BTBD9: variants seen among roughly 807,000 people sequenced by gnomAD.
BTBD9 encodes the protein BTB/POZ domain-containing protein 9.
Under a neutral mutation model 64.3 loss-of-function variants are expected in BTBD9, and 49 were observed. The observed-to-expected ratio is 0.76, with a 90% CI of 0.61 to 0.97. The LOEUF is 0.97. Among genes scored for constraint, BTBD9 ranks in the 50% least tolerant of loss-of-function variants. The pLI is 0.00. For missense variants in BTBD9, 598 were observed against 762.1 expected, an observed-to-expected ratio of 0.78 and a Z score of 2.53; for synonymous variants, 260 against 274.7, an observed-to-expected ratio of 0.95 and a Z score of 0.53.
chr6:38,462,025 G>T (rs915951160), intron 6 of BTBD9, among the ~76,000 whole-genome samples: 4 of 151,996 alleles, frequency 2.6e-5, no homozygotes, highest in African/African-American at 9.7e-5. Context: ...AGGTGTTTTT[G>T]TTGTTGTTGT....
At chr6:38,473,822 G>C (rs7770885) in intron 6 of BTBD9, among the ~76,000 whole-genome samples, 10,623 of 152,206 alleles carry the variant, frequency 0.07, 514 homozygotes, top group African/African-American at 0.12. Context: ...ATTAATTAAG[G>C]GGTGATGGTA....
chr6:38,584,616 G>A lies in BTBD9; in HGVS notation c.815-4179C>T, dbSNP rs184214743. Among the ~76,000 whole-genome samples the A allele has an allele frequency of 1.2e-4, 18 of 151,946 alleles. 1 individual carries two copies. Among genetic ancestry groups the A allele is most frequent in the East Asian group, 5.8e-4 (3 of 5,168 alleles). ...TACATGTAGGTTGACATGGTCATTCGCCCCAGTGGATTATTTGGATCCAGA... is the reference window on the plus strand; with the variant it reads ...TACATGTAGGTTGACATGGTCATTCACCCCAGTGGATTATTTGGATCCAGA... On this transcript the variant is annotated intron_variant, in intron 4 of 10. Transcript: ENST00000481247.
chr6:38,483,094 T>C (rs1771236338), intron 6 of BTBD9, among the ~76,000 whole-genome samples: 1 of 151,980 alleles, frequency 6.6e-6, no homozygotes, highest in Non-Finnish European at 1.5e-5. Flanking sequence ...CACACATACC[T>C]TAACATCATC....
chr6:38,435,451 GA>G (rs1768670917), intron 6 of BTBD9, among the ~76,000 whole-genome samples: 2 of 151,450 alleles, frequency 1.3e-5, no homozygotes, highest in East Asian at 1.9e-4. Flanking sequence ...GTGAAAAAAA[GA>G]AAAAGAAAAG....
intron 7 of BTBD9, among the ~76,000 whole-genome samples, chr6:38,301,301 G>A (rs1183237217): frequency 5.3e-5 from 8 of 152,164 alleles, no homozygotes; most frequent in Non-Finnish European, 1.0e-4. Context: ...TGTTCATCAA[G>A]GATATTGGTC....
chr6:38,538,239 T>C (rs1290268612), intron 6 of BTBD9, among the ~76,000 whole-genome samples: 1 of 152,174 alleles, frequency 6.6e-6, no homozygotes, highest in African/African-American at 2.4e-5. Context: ...AGGAATTCAT[T>C]AGTTTTTTAA....
chr6:38,450,218 T>C (rs141349913), intron 6 of BTBD9, among the ~76,000 whole-genome samples: 21 of 152,300 alleles, frequency 1.4e-4, no homozygotes, highest in Admixed American at 2.6e-4. Flanking sequence ...AAGTTGATCA[T>C]ATAGAAGTAC....
chr6:38,373,096 A>G (rs1300262697), intron 6 of BTBD9, among the ~76,000 whole-genome samples: 1 of 152,114 alleles, frequency 6.6e-6, no homozygotes, highest in Non-Finnish European at 1.5e-5. Flanking sequence ...TTTGACAAGG[A>G]CCATGGTCCT....
At chr6:38,407,543 G>T (rs924593595) in intron 6 of BTBD9, among the ~76,000 whole-genome samples, 4 of 152,096 alleles carry the variant, frequency 2.6e-5, no homozygotes, top group Non-Finnish European at 5.9e-5. Context: ...GCAGAGTCTA[G>T]CTGGGGTTTT....
intron 10 of BTBD9, among the ~76,000 whole-genome samples, chr6:38,188,093 C>T (rs932421914): frequency 3.9e-5 from 6 of 152,216 alleles, no homozygotes; most frequent in Non-Finnish European, 5.9e-5. Context: ...AATCCCAGTC[C>T]GCCTTAGCTC....
chr6:38,599,542 G>A (rs939544788), intron 1 of BTBD9, among the ~76,000 whole-genome samples: 4 of 152,338 alleles, frequency 2.6e-5, no homozygotes, highest in African/African-American at 9.6e-5. Context: ...AGAGGTAGTT[G>A]ATAGCTCAGA....
chr6:38,168,904 G>C lies in BTBD9; in HGVS notation c.*6081C>G, dbSNP rs1221157639. On this transcript the variant is annotated 3_prime_UTR_variant, in exon 11 of 11. Coordinates refer to ENST00000481247, the MANE Select transcript of BTBD9 (RefSeq NM_001099272.2). ...AGAGTCTCACGCTTCTCCAGGCACT[G>C]GGGGGTGGGGAAGGGTGGCCTCAGG... The C allele has an allele frequency of 6.6e-6, 1 of 152,360 alleles. No homozygotes were observed. Among genetic ancestry groups the C allele is most frequent in the Non-Finnish European group, 1.5e-5 (1 of 68,156 alleles). The allele number at this position is 152,360 out of a possible 1,614,324, so 9.4% of individuals were successfully genotyped here.
intron 9 of BTBD9, among the ~76,000 whole-genome samples, chr6:38,212,160 G>A (rs1450017139): frequency 6.6e-6 from 1 of 152,194 alleles, no homozygotes; most frequent in Non-Finnish European, 1.5e-5. Flanking sequence ...GTGGCCAGGA[G>A]AATGTTAAAG....
intron 9 of BTBD9, among the ~76,000 whole-genome samples, chr6:38,223,612 T>C (rs553775904): frequency 1.3e-5 from 2 of 152,310 alleles, no homozygotes; most frequent in East Asian, 3.9e-4. Flanking sequence ...TGCTAGATTA[T>C]AGGTGTGAAC....
chr6:38,405,614 C>A lies in BTBD9; in HGVS notation c.1155-60521G>T, dbSNP rs543612434. 7.3e-5 allele frequency among the ~76,000 whole-genome samples: 11 copies of A among 149,774 alleles called. No individual in the cohort carries two copies. The South Asian group carries it at 1.1e-3, about 14-fold the overall frequency. On this transcript the variant is annotated intron_variant, in intron 6 of 10. Coordinates refer to ENST00000481247, the MANE Select transcript of BTBD9 (RefSeq NM_001099272.2). The stretch of plus-strand genomic sequence containing the variant: ...TTGGTTCTGTTGTTAAAAAAAAAAA[C>A]AAACAATAACACCCAGCTAGTGTTA...
chr6:38,365,056 T>C lies in BTBD9; in HGVS notation c.1155-19963A>G, dbSNP rs1355508646. Among the ~76,000 whole-genome samples the C allele has an allele frequency of 2.0e-5, 3 of 152,300 alleles. No homozygotes were observed. The East Asian group carries it at 5.8e-4, about 30-fold the overall frequency. Reference sequence around the variant, plus strand: ...GGACTAGGCTAAATAGTAACACTTATAACATTGAGGCAATGTTGAATGGTT... The same window carrying C: ...GGACTAGGCTAAATAGTAACACTTACAACATTGAGGCAATGTTGAATGGTT... On this transcript the variant is annotated intron_variant, in intron 6 of 10. Transcript: ENST00000481247.
intron 1 of BTBD9, among the ~76,000 whole-genome samples, chr6:38,607,951 T>C (rs1038492628): frequency 6.6e-6 from 1 of 152,172 alleles, no homozygotes; most frequent in African/African-American, 2.4e-5. Context: ...CTGAGCTTCA[T>C]TCTGATTTTA....
At chr6:38,269,570 T>C (rs1765129133) in intron 8 of BTBD9, among the ~76,000 whole-genome samples, 1 of 151,878 alleles carries the variant, frequency 6.6e-6, no homozygotes, top group African/African-American at 2.4e-5. Context: ...GTGTGGGTCA[T>C]AGGACCAAAG....
At chr6:38,506,045 T>C (rs1486360618) in intron 6 of BTBD9, among the ~76,000 whole-genome samples, 4 of 148,416 alleles carry the variant, frequency 2.7e-5, no homozygotes, top group Non-Finnish European at 6.0e-5. Flanking sequence ...TGGGTCCCTC[T>C]CATTTTTCCT....
Sources: allele counts gnomAD v4.1 joint callset (sites outside exome capture counted in the v4.1 genomes callset), GRCh38; gene constraint gnomAD v4.1.1; transcripts MANE v1.5; gene names NCBI Gene and HGNC (gene_info 2026-07-23, HGNC 2026-07-21).